Variants in FAAH2 observed in about 807,000 individuals in gnomAD.
FAAH2 encodes fatty-acid amide hydrolase 2.
Under a neutral mutation model 36.9 loss-of-function variants are expected in FAAH2, and 60 were observed. The observed-to-expected ratio is 1.63, with a 90% CI of 1.32 to 2.02. The LOEUF is 2.02. Ranked by LOEUF, FAAH2 falls within the 30% of genes most tolerant of loss-of-function variation. The probability of loss-of-function intolerance (pLI) is 0.00; values close to 1 mark genes in which losing one functional copy is unlikely to be tolerated. For missense variants in FAAH2, 689 were observed against 397.5 expected (o/e 1.73, Z -6.23); for synonymous variants, 214 against 143.8 (o/e 1.49, Z -3.49).
intron 7 of FAAH2, among the ~76,000 whole-genome samples, chrX:57,413,126 C>G (rs1048985903): frequency 8.9e-6 from 1 of 111,846 alleles, no homozygotes; most frequent in Middle Eastern, 4.2e-3. Context: ...GATATCAGCC[C>G]TTTGTCAGAT....
At chrX:57,465,768 T>C (rs2057036615) in intron 10 of FAAH2, among the ~76,000 whole-genome samples, 1 of 111,051 alleles carries the variant, frequency 9.0e-6, no homozygotes, top group East Asian at 2.8e-4. Context: ...GTGAAGGTAA[T>C]TACAAAAGAC....
At chrX:57,431,852 G>T in intron 7 of FAAH2, 66 bp from the exon 8 acceptor site, 4 of 859,224 alleles carry the variant, frequency 4.7e-6, no homozygotes, top group Non-Finnish European at 4.4e-6. Flanking sequence ...TCTTGCTGAT[G>T]TCACTCTTCA....
At chrX:57,134,231 G>C in the FAAH2 span, among the ~76,000 whole-genome samples, 1 of 111,668 alleles carries the variant, frequency 9.0e-6, no homozygotes, top group African/African-American at 3.3e-5. Context: ...ACATTATACA[G>C]CTGAATGAGT....
At chrX:57,375,248 G>C (rs1430107731) in intron 5 of FAAH2, among the ~76,000 whole-genome samples, 1 of 109,678 alleles carries the variant, frequency 9.1e-6, no homozygotes, top group Non-Finnish European at 1.9e-5. Flanking sequence ...GAATGATTTA[G>C]AGAGGATTCC....
the FAAH2 span, among the ~76,000 whole-genome samples, chrX:57,261,875 C>T: frequency 4.8e-4 from 53 of 110,949 alleles, no homozygotes; most frequent in Non-Finnish European, 8.7e-4. Flanking sequence ...TAAGGCATTG[C>T]TGGTGATGTT....
At chrX:57,160,441 T>G in the FAAH2 span, among the ~76,000 whole-genome samples, 1 of 112,092 alleles carries the variant, frequency 8.9e-6, no homozygotes, top group African/African-American at 3.2e-5. Context: ...GAACCTCTGG[T>G]AGAATTTGGC....
intron 5 of FAAH2, among the ~76,000 whole-genome samples, chrX:57,373,203 T>C (rs557041653): frequency 1.8e-5 from 2 of 111,544 alleles, no homozygotes; most frequent in African/African-American, 6.5e-5. Context: ...TGTGCAAGTA[T>C]CTCTTTCTTA....
intron 7 of FAAH2, among the ~76,000 whole-genome samples, chrX:57,422,226 A>C (rs1484837966): frequency 1.8e-5 from 2 of 111,973 alleles, no homozygotes; most frequent in Non-Finnish European, 3.8e-5. Flanking sequence ...GTCATTCTCC[A>C]GGATCCATCT....
intron 5 of FAAH2, among the ~76,000 whole-genome samples, chrX:57,375,783 A>G (rs1346241277): frequency 9.0e-6 from 1 of 111,395 alleles, no homozygotes; most frequent in Non-Finnish European, 1.9e-5. Context: ...TAATGCTTTG[A>G]TTGTCCTATT....
chrX:57,284,241 G>A (rs1223640081), upstream of FAAH2, among the ~76,000 whole-genome samples: 2 of 111,637 alleles, frequency 1.8e-5, no homozygotes, highest in Non-Finnish European at 3.8e-5. Flanking sequence ...GGGCATGGTG[G>A]TGGGTGCTTA....
chrX:57,272,737 A>G, the FAAH2 span, among the ~76,000 whole-genome samples: 2 of 112,486 alleles, frequency 1.8e-5, no homozygotes, highest in Non-Finnish European at 3.8e-5. Context: ...GATCTGCCTT[A>G]CAGAGCTCCT....
chrX:57,275,828 G>A, the FAAH2 span, among the ~76,000 whole-genome samples: 4 of 111,864 alleles, frequency 3.6e-5, no homozygotes, highest in South Asian at 7.4e-4. Context: ...GACAAAGAAG[G>A]CCATTACATA....
chrX:57,185,498 G>C, the FAAH2 span, among the ~76,000 whole-genome samples: 72 of 105,388 alleles, frequency 6.8e-4, no homozygotes, highest in Non-Finnish European at 2.7e-4. Flanking sequence ...CTGTGTGTGT[G>C]TGTGTGTGTG....
intron 6 of FAAH2, among the ~76,000 whole-genome samples, chrX:57,380,570 G>T (rs909224856): frequency 1.8e-5 from 2 of 111,441 alleles, no homozygotes; most frequent in East Asian, 2.8e-4. Flanking sequence ...GAGTCATATT[G>T]AAATTACCTA....
At chrX:57,289,227 T>C (rs1428458683) in intron 1 of FAAH2, among the ~76,000 whole-genome samples, 1 of 111,884 alleles carries the variant, frequency 8.9e-6, no homozygotes, top group Non-Finnish European at 1.9e-5. Flanking sequence ...TCAATTTTTG[T>C]TGGCACTTTA....
At chrX:57,427,665 T>G (rs904959629) in intron 7 of FAAH2, among the ~76,000 whole-genome samples, 1 of 111,570 alleles carries the variant, frequency 9.0e-6, no homozygotes, top group African/African-American at 3.3e-5. Flanking sequence ...CATATGATCA[T>G]CTCCATAGAT....
intron 5 of FAAH2, among the ~76,000 whole-genome samples, chrX:57,363,342 T>C (rs1267439562): frequency 2.7e-5 from 3 of 111,717 alleles, no homozygotes; most frequent in African/African-American, 9.8e-5. Flanking sequence ...ATCATAAATA[T>C]ATTACATTCT....
the FAAH2 span, among the ~76,000 whole-genome samples, chrX:57,161,977 A>C: frequency 8.0e-5 from 9 of 111,979 alleles, no homozygotes; most frequent in Admixed American, 2.8e-4. Flanking sequence ...ACATTTTGGC[A>C]TGATTTTGCA....
chrX:57,410,194 T>G (rs906314084), intron 7 of FAAH2, among the ~76,000 whole-genome samples: 1 of 111,646 alleles, frequency 9.0e-6, no homozygotes, highest in African/African-American at 3.2e-5. Flanking sequence ...CTAAATTGAT[T>G]TTTAGTTTCA....
Sources: allele counts gnomAD v4.1 joint callset (sites outside exome capture counted in the v4.1 genomes callset), GRCh38; gene constraint gnomAD v4.1.1; transcripts MANE v1.5; gene names NCBI Gene and HGNC (gene_info 2026-07-23, HGNC 2026-07-21).